Variants in ALOX5AP observed in about 807,000 individuals in gnomAD.
ALOX5AP encodes arachidonate 5-lipoxygenase-activating protein.
A neutral mutation model predicts 18.5 loss-of-function variants in ALOX5AP; 9 were observed. The ratio of observed to expected loss-of-function variants is 0.49; its 90% CI spans 0.29 to 0.85. The LOEUF is 0.85. ALOX5AP is among the 40% of genes least tolerant of loss of function. The pLI is 0.08. For missense variants in ALOX5AP, 172 were observed against 202.5 expected, an observed-to-expected ratio of 0.85 and a Z score of 0.91; for synonymous variants, 81 against 78.6, an observed-to-expected ratio of 1.03 and a Z score of -0.16.
intron 3 of ALOX5AP, among the ~76,000 whole-genome samples, chr13:30,752,895 G>C (rs9579648): frequency 0.18 from 26,689 of 152,214 alleles, 2,444 homozygotes; most frequent in Non-Finnish European, 0.18. Context: ...AAGTAACTTG[G>C]GTACAGCTAC....
chr13:30,720,385 A>G (rs1018444983), intron 1 of ALOX5AP, among the ~76,000 whole-genome samples: 15 of 152,366 alleles, frequency 9.8e-5, no homozygotes, highest in Admixed American at 3.9e-4. Context: ...CAGTAAACAT[A>G]TAAGGGTCTC....
At chr13:30,746,328 C>A (rs760700304) in intron 2 of ALOX5AP, among the ~76,000 whole-genome samples, 1 of 152,202 alleles carries the variant, frequency 6.6e-6, no homozygotes, top group Non-Finnish European at 1.5e-5. Context: ...TACACTCAAC[C>A]TCCATGAGAG....
At chr13:30,756,793 A>G (rs1291856647) in intron 4 of ALOX5AP, among the ~76,000 whole-genome samples, 1 of 138,048 alleles carries the variant, frequency 7.2e-6, no homozygotes, top group Non-Finnish European at 1.5e-5. Context: ...AGCCTGGGCA[A>G]CAAAAGCAAA....
At chr13:30,731,056 C>G (rs996924328), upstream of ALOX5AP, among the ~76,000 whole-genome samples, 2 of 152,162 alleles carry the variant, frequency 1.3e-5, no homozygotes, top group Non-Finnish European at 2.9e-5. Flanking sequence ...GCAGCCCTGT[C>G]GCTGTGGGAT....
chr13:30,738,817 C>G lies in ALOX5AP; in HGVS notation c.70+3142C>G, dbSNP rs539267397. On this transcript the variant is annotated intron_variant, in intron 1 of 4. Coordinates refer to ENST00000380490, the MANE Select transcript of ALOX5AP (RefSeq NM_001629.4). ...GGCAGGCATTAGCAGCGGCCTCTTT[C>G]CCCCAAGAGAGGCAGCCTCCTCCAA... is the stretch of plus-strand genomic sequence containing the variant. Among the ~76,000 whole-genome samples, 3 of 152,258 alleles carry G rather than the reference C, an allele frequency of 2.0e-5. No homozygotes were observed. The South Asian group carries it at 6.2e-4, about 32-fold the overall frequency.
Position 30,739,582 on chromosome 13 carries a change from G to A in ALOX5AP, c.70+3907G>A, listed in dbSNP as rs17239088. Among the ~76,000 whole-genome samples, 318 of 152,250 alleles carry A rather than the reference G, an allele frequency of 2.1e-3. 1 individual carries two copies. Among genetic ancestry groups the A allele is most frequent in the African/African-American group, 6.0e-3 (251 of 41,544 alleles). ...CCTGAGTAGCTAGGACTACAAGCAT[G>A]TGCCACCACGCCCAGCTAATTTTTG... On this transcript the variant is annotated intron_variant, in intron 1 of 4. Coordinates refer to ENST00000380490, the MANE Select transcript of ALOX5AP (RefSeq NM_001629.4).
At chr13:30,747,976 G>A (rs917998933) in intron 2 of ALOX5AP, among the ~76,000 whole-genome samples, 1 of 151,996 alleles carries the variant, frequency 6.6e-6, no homozygotes, top group Admixed American at 6.6e-5. Context: ...CTGGAGTGCA[G>A]TGGTGCAATC....
intron 3 of ALOX5AP, among the ~76,000 whole-genome samples, chr13:30,752,938 C>T (rs1951864056): frequency 6.6e-6 from 1 of 152,216 alleles, no homozygotes; most frequent in Non-Finnish European, 1.5e-5. Context: ...AGAATGAGTG[C>T]CTGGGTCTTT....
In ALOX5AP at chr13:30,763,998, C is replaced by T. The variant is rs150861552; in HGVS notation, c.378C>T (p.Ser126=). 71 of 1,614,126 alleles carry T rather than the reference C, an allele frequency of 4.4e-5. 1 individual carries two copies. The South Asian group carries it at 5.2e-4, about 12-fold the overall frequency. Residue 126 remains serine (S), a synonymous_variant, in exon 5 of 5, where the codon TCC becomes TCT. Transcript: ENST00000380490. ...TCATACTCTTCCTGTTCCTCATGTC[C>T]GTTGCTGGCATATTCAACTATTACC... ...KRIILFLFLM[S]VAGIFNYYLI...
chr13:30,739,947 C>T (rs1189479220), intron 1 of ALOX5AP, among the ~76,000 whole-genome samples: 1 of 152,238 alleles, frequency 6.6e-6, no homozygotes, highest in East Asian at 1.9e-4. Flanking sequence ...CTGAAATCTG[C>T]AGCCCTATGC....
At chr13:30,759,126 A>G (rs1951920322) in intron 4 of ALOX5AP, among the ~76,000 whole-genome samples, 1 of 152,076 alleles carries the variant, frequency 6.6e-6, no homozygotes, top group African/African-American at 2.4e-5. Context: ...CCCAGCCTGA[A>G]TCTTGGTTTC....
chr13:30,739,088 C>G (rs17239074), intron 1 of ALOX5AP, among the ~76,000 whole-genome samples: 1,929 of 152,178 alleles, frequency 0.013, 41 homozygotes, highest in African/African-American at 0.044. Flanking sequence ...CCAACCACCC[C>G]CCTCCACCGC....
intron 2 of ALOX5AP, among the ~76,000 whole-genome samples, chr13:30,746,181 G>T (rs1243162118): frequency 6.6e-6 from 1 of 152,228 alleles, no homozygotes; most frequent in African/African-American, 2.4e-5. Context: ...ACTTGGGAAG[G>T]TCGTTTGGAA....
At chr13:30,749,651 T>C (rs942036286) in intron 2 of ALOX5AP, among the ~76,000 whole-genome samples, 1 of 152,212 alleles carries the variant, frequency 6.6e-6, no homozygotes, top group Non-Finnish European at 1.5e-5. Context: ...TTGGAGCTCC[T>C]ACCGTGTCCA....
chr13:30,735,579 G>A lies in ALOX5AP; in HGVS notation c.-27G>A, dbSNP rs1367831165. 1 of 1,613,846 alleles carries A rather than the reference G, an allele frequency of 6.2e-7. No homozygotes were observed. The highest frequency in any genetic ancestry group is 1.3e-5 in the African/African-American group (1 of 74,936). ...AGGTTGTGCAGCTGGAGGCAGAGCAGTCCTCTCTGGGGAGCCTGAAGCAAA... is the reference window on the plus strand; with the variant it reads ...AGGTTGTGCAGCTGGAGGCAGAGCAATCCTCTCTGGGGAGCCTGAAGCAAA... On this transcript the variant is annotated 5_prime_UTR_variant, in exon 1 of 5. Transcript: ENST00000380490.
At chr13:30,722,418 A>T (rs1433957679) in intron 1 of ALOX5AP, among the ~76,000 whole-genome samples, 2 of 151,458 alleles carry the variant, frequency 1.3e-5, no homozygotes, top group African/African-American at 2.4e-5. Context: ...TTGCTATTTT[A>T]TTTTTTTTTG....
At position 30,752,681 on chromosome 13, in the gene ALOX5AP, G is replaced by A. The variant is rs952744137; in HGVS notation, c.241+559G>A. 3.9e-5 allele frequency among the ~76,000 whole-genome samples: 6 copies of A among 152,156 alleles called. No homozygotes were observed. The East Asian group carries it at 5.8e-4, about 15-fold the overall frequency. The stretch of plus-strand genomic sequence containing the variant: ...TCAGTCATACTTTTGGTCCCCTTTC[G>A]GGGCCACGCCTGGCACTGTGCCTGG... On this transcript the variant is annotated intron_variant, in intron 3 of 4. Transcript: ENST00000380490.
intron 1 of ALOX5AP, among the ~76,000 whole-genome samples, chr13:30,721,042 G>T (rs1054498706): frequency 6.6e-5 from 10 of 152,106 alleles, no homozygotes; most frequent in African/African-American, 1.9e-4. Context: ...CACACACATG[G>T]GGGAAATGGA....
chr13:30,717,305 C>T (rs548094260), intron 1 of ALOX5AP, among the ~76,000 whole-genome samples: 2 of 152,344 alleles, frequency 1.3e-5, no homozygotes, highest in East Asian at 3.9e-4. Flanking sequence ...CTTACAGCAG[C>T]ATAACAACAA....
Sources: gnomAD v4.1 joint callset for allele counts (sites outside exome capture counted in the v4.1 genomes callset) on GRCh38, gnomAD v4.1.1 for gene constraint, MANE v1.5 for transcripts, NCBI Gene and HGNC (gene_info 2026-07-23, HGNC 2026-07-21) for gene names.